COL25A1: variants seen among roughly 807,000 people sequenced by gnomAD.
COL25A1 encodes collagen alpha-1(XXV) chain.
A neutral mutation model predicts 128.4 loss-of-function variants in COL25A1; 103 were observed. The ratio of observed to expected loss-of-function variants is 0.80; its 90% CI spans 0.68 to 0.94. The LOEUF is 0.94. COL25A1 is among the 40% of genes least tolerant of loss of function. COL25A1 has a pLI of 0.00. For synonymous variants in COL25A1, 279 were observed against 277.2 expected (o/e 1.01, Z -0.06); for missense variants, 745 against 840.0 (o/e 0.89, Z 1.40).
chr4:109,211,767 C>T (rs1004000102), intron 3 of COL25A1, among the ~76,000 whole-genome samples: 1 of 152,092 alleles, frequency 6.6e-6, no homozygotes, highest in Admixed American at 6.6e-5. Flanking sequence ...AACTGTTTAA[C>T]CTCTTTCCAA....
chr4:109,262,284 C>A lies in COL25A1; in HGVS notation c.367+38299G>T, dbSNP rs113341998. Reference sequence around the variant, plus strand: ...ATCCCAGCACTTTGGGAGGCCGAGGCGGGTGGATCATCTGGGGTCAGGAGT... The same window carrying A: ...ATCCCAGCACTTTGGGAGGCCGAGGAGGGTGGATCATCTGGGGTCAGGAGT... On this transcript the variant is annotated intron_variant, in intron 3 of 37. Coordinates refer to ENST00000399132, the MANE Select transcript of COL25A1 (RefSeq NM_198721.4). 4.7e-3 allele frequency among the ~76,000 whole-genome samples: 708 copies of A among 151,840 alleles called. 9 individuals are homozygous for A. The highest frequency in any genetic ancestry group is 0.017 in the African/African-American group (688 of 41,422).
At chr4:109,227,143 A>G (rs1298776354) in intron 3 of COL25A1, among the ~76,000 whole-genome samples, 1 of 152,182 alleles carries the variant, frequency 6.6e-6, no homozygotes, top group Non-Finnish European at 1.5e-5. Flanking sequence ...GCAGATGTAC[A>G]AAAAGGAAAT....
chr4:109,024,450 A>T (rs1451271869), intron 5 of COL25A1, among the ~76,000 whole-genome samples: 1 of 152,068 alleles, frequency 6.6e-6, no homozygotes, highest in Non-Finnish European at 1.5e-5. Context: ...ATACATATTT[A>T]TTCAGACATA....
chr4:109,107,215 A>ACAC (rs1287156923), intron 3 of COL25A1, among the ~76,000 whole-genome samples: 1 of 152,206 alleles, frequency 6.6e-6, no homozygotes, highest in Non-Finnish European at 1.5e-5. Context: ...GTTACTGAGA[A>ACAC]CACCTTTTTT....
Position 108,856,734 on chromosome 4 carries a change from G to A in COL25A1, c.1320+2922C>T, listed in dbSNP as rs538735114. The stretch of plus-strand genomic sequence containing the variant: ...TATGATGGATATTGGCTGTTTAGTA[G>A]TCATATACAATTAAAGATGAGAAAA... On this transcript the variant is annotated intron_variant, in intron 24 of 37. Coordinates refer to ENST00000399132, the MANE Select transcript of COL25A1 (RefSeq NM_198721.4). Among the ~76,000 whole-genome samples, 18 of 152,194 alleles carry A rather than the reference G, an allele frequency of 1.2e-4. No homozygotes were observed. The South Asian group carries it at 2.9e-3, about 25-fold the overall frequency.
In COL25A1 at chr4:108,813,455, G is replaced by A. The variant is rs1396530260; in HGVS notation, c.*472C>T. On this transcript the variant is annotated 3_prime_UTR_variant, in exon 38 of 38. Coordinates refer to ENST00000399132, the MANE Select transcript of COL25A1 (RefSeq NM_198721.4). ...ATGCTTTTTTAGTTAGTTTCAATGGGTGGTGTAGGTATGAGTCAACGCCGA... is the reference window on the plus strand; with the variant it reads ...ATGCTTTTTTAGTTAGTTTCAATGGATGGTGTAGGTATGAGTCAACGCCGA... 1 of 154,204 alleles carries A rather than the reference G, an allele frequency of 6.5e-6. No homozygotes were observed. The highest frequency in any genetic ancestry group is 1.4e-5 in the Non-Finnish European group (1 of 69,344). 9.6% of individuals were successfully genotyped at this position (154,204 alleles called of 1,614,324 possible).
intron 26 of COL25A1, 133 bp from the exon 27 acceptor site, chr4:108,848,936 A>G: frequency 1.5e-6 from 1 of 663,522 alleles, no homozygotes; most frequent in Non-Finnish European, 2.7e-6. Flanking sequence ...AGAATATTCT[A>G]TTATAGCACA....
At position 108,812,650 on chromosome 4, in the gene COL25A1, T is replaced by C. The variant is rs865901127; in HGVS notation, c.*1277A>G. The C allele has an allele frequency of 1.3e-5, 2 of 152,194 alleles. No individual in the cohort carries two copies. Among genetic ancestry groups the C allele is most frequent in the African/African-American group, 4.8e-5 (2 of 41,444 alleles). The allele number at this position is 152,194 out of a possible 1,614,324, so 9.4% of individuals were successfully genotyped here. A position where few individuals can be genotyped will look rare whatever the true frequency, so the allele number is the denominator to read the frequency against. On this transcript the variant is annotated 3_prime_UTR_variant, in exon 38 of 38. Coordinates refer to ENST00000399132, the MANE Select transcript of COL25A1 (RefSeq NM_198721.4). Reference sequence around the variant, plus strand: ...AACTGAAACTAATATTTTTTCAATATTCTTGGGACTAAAGAAAGAAAAAGA... The same window carrying C: ...AACTGAAACTAATATTTTTTCAATACTCTTGGGACTAAAGAAAGAAAAAGA...
At chr4:108,984,764 C>T (rs1029184255) in intron 6 of COL25A1, among the ~76,000 whole-genome samples, 1 of 152,186 alleles carries the variant, frequency 6.6e-6, no homozygotes, top group African/African-American at 2.4e-5. Flanking sequence ...CTGAGGGAGC[C>T]GGCTCCGGCC....
chr4:108,896,764 A>C (rs1437701216), intron 15 of COL25A1, 53 bp from the exon 16 acceptor site: 1 of 1,480,824 alleles, frequency 6.8e-7, no homozygotes, highest in African/African-American at 1.4e-5. Context: ...CGTCAAGCAG[A>C]TAATATTTTT....
intron 3 of COL25A1, 85 bp from the exon 4 acceptor site, chr4:109,050,264 T>G: frequency 1.0e-6 from 1 of 1,004,230 alleles, no homozygotes; most frequent in East Asian, 2.6e-5. Context: ...TATATATATT[T>G]TCTCATTGTT....
chr4:108,911,789 C>T (rs1880757), intron 13 of COL25A1, among the ~76,000 whole-genome samples: 70,132 of 147,436 alleles, frequency 0.48, 19,069 homozygotes, highest in East Asian at 0.93. Flanking sequence ...CATTAATAAA[C>T]ATTTGCTTCG....
chr4:109,147,870 A>G (rs1771106163), intron 3 of COL25A1, among the ~76,000 whole-genome samples: 1 of 152,010 alleles, frequency 6.6e-6, no homozygotes, highest in Admixed American at 6.6e-5. Flanking sequence ...TTTAAAAATG[A>G]GAATGTATTG....
At chr4:109,021,391 T>C (rs1648034) in intron 5 of COL25A1, among the ~76,000 whole-genome samples, 14,213 of 152,206 alleles carry the variant, frequency 0.093, 1,014 homozygotes, top group African/African-American at 0.2. Context: ...TTCATGGACA[T>C]TTATCACTTC....
chr4:109,189,012 T>G (rs1208809155), intron 3 of COL25A1, among the ~76,000 whole-genome samples: 6 of 152,106 alleles, frequency 3.9e-5, no homozygotes, highest in Non-Finnish European at 5.9e-5. Context: ...AAAATGAATG[T>G]TTTCTTCAAA....
intron 3 of COL25A1, among the ~76,000 whole-genome samples, chr4:109,179,977 A>G (rs891962463): frequency 2.0e-5 from 3 of 152,188 alleles, no homozygotes; most frequent in South Asian, 2.1e-4. Flanking sequence ...GCCTCAGTGC[A>G]GTAAGCACCA....
intron 3 of COL25A1, among the ~76,000 whole-genome samples, chr4:109,224,871 C>T (rs1036929935): frequency 2.6e-5 from 4 of 152,140 alleles, no homozygotes; most frequent in African/African-American, 2.4e-5. Flanking sequence ...ACCCGGGAGG[C>T]GGAGGTTGCT....
chr4:109,011,614 G>GA (rs1561021247), intron 5 of COL25A1, among the ~76,000 whole-genome samples: 1 of 152,200 alleles, frequency 6.6e-6, no homozygotes, highest in African/African-American at 2.4e-5. Context: ...TTCAGATGGA[G>GA]AAACTGAGGC....
At chr4:109,065,521 T>C (rs1428037619) in intron 3 of COL25A1, among the ~76,000 whole-genome samples, 1 of 149,122 alleles carries the variant, frequency 6.7e-6, no homozygotes, top group African/African-American at 2.5e-5. Flanking sequence ...CAAATACCTT[T>C]TTGGTGCAGC....
Sources: allele counts gnomAD v4.1 joint callset (sites outside exome capture counted in the v4.1 genomes callset), GRCh38; gene constraint gnomAD v4.1.1; transcripts MANE v1.5; gene names NCBI Gene and HGNC (gene_info 2026-07-23, HGNC 2026-07-21).